The following GTF3C1 variants were observed in gnomAD, a reference collection of about 807,000 sequenced individuals.
The protein encoded by GTF3C1 is general transcription factor IIIC subunit 1.
GTF3C1 carries 57 observed loss-of-function variants against 226.7 expected under a neutral mutation model. That is an observed-to-expected ratio of 0.25 (90% CI 0.20 to 0.31). The LOEUF (loss-of-function observed/expected upper bound fraction) is 0.31, where lower values mean the gene tolerates loss of function less well. Ranked by LOEUF, GTF3C1 falls within the 10% of genes least tolerant of loss-of-function variation. The probability of loss-of-function intolerance (pLI) is 1.00; values close to 1 mark genes in which losing one functional copy is unlikely to be tolerated. For synonymous variants in GTF3C1, 1,090 were observed against 1,084.8 expected (o/e 1.00, Z -0.09); for missense variants, 2,217 against 2,776.1 (o/e 0.80, Z 4.53).
intron 5 of GTF3C1, among the ~76,000 whole-genome samples, chr16:27,530,787 T>G (rs2088903564): frequency 6.6e-6 from 1 of 152,174 alleles, no homozygotes; most frequent in Non-Finnish European, 1.5e-5. Context: ...GTCTTCATCG[T>G]GGGGGCCCGC....
intron 32 of GTF3C1, among the ~76,000 whole-genome samples, chr16:27,468,215 C>A (rs575758481): frequency 1.3e-5 from 2 of 152,208 alleles, no homozygotes; most frequent in African/African-American, 4.8e-5. Flanking sequence ...TGGGGACTTG[C>A]TTCTTATAGA....
At chr16:27,493,912 GA>G (rs2088270654) in intron 16 of GTF3C1, among the ~76,000 whole-genome samples, 1 of 150,688 alleles carries the variant, frequency 6.6e-6, no homozygotes, top group Non-Finnish European at 1.5e-5. Flanking sequence ...ATAAAAGAGT[GA>G]ATATAGTTTC....
intron 2 of GTF3C1, among the ~76,000 whole-genome samples, chr16:27,542,696 T>G (rs569228263): frequency 2.6e-5 from 4 of 152,260 alleles, no homozygotes; most frequent in South Asian, 4.1e-4. Context: ...AAAATGAGTC[T>G]CCTTCTCTTG....
At chr16:27,504,120 G>A (rs527984237) in intron 10 of GTF3C1, among the ~76,000 whole-genome samples, 75 of 152,342 alleles carry the variant, frequency 4.9e-4, no homozygotes, top group African/African-American at 1.6e-3. Context: ...GGACAGCAAA[G>A]GCAACATGCT....
chr16:27,470,395 C>T lies in GTF3C1; in HGVS notation c.4527G>A (p.Arg1509=), dbSNP rs1358303579. Residue 1509 remains arginine, a splice_region_variant and synonymous_variant, in exon 31 of 37, where the codon AGG becomes AGA. Coordinates refer to ENST00000356183, the MANE Select transcript of GTF3C1 (RefSeq NM_001520.4). This position sits in a 1 kb window ranked among gnomAD's most constrained non-coding sequence, Gnocchi z 4.9. ...MSYQLSQTYY[R]IFTWRFPSTI... ...TGCTTGGAAATCGCCACGTAAAAATCCTACAGACAAAAAGAAAGGAAGGGC... is the reference window on the plus strand; with the variant it reads ...TGCTTGGAAATCGCCACGTAAAAATTCTACAGACAAAAAGAAAGGAAGGGC... 6.2e-7 allele frequency: 1 copy of T among 1,611,802 alleles called. No homozygotes were observed. The highest frequency in any genetic ancestry group is 1.1e-5 in the South Asian group (1 of 90,762).
At chr16:27,496,438 A>G (rs1386399654) in intron 14 of GTF3C1, among the ~76,000 whole-genome samples, 1 of 152,152 alleles carries the variant, frequency 6.6e-6, no homozygotes, top group Non-Finnish European at 1.5e-5. Context: ...TTTGAAACAG[A>G]GTCTCGCTCT....
rs540308746 is a variant in GTF3C1, at chr16:27,488,623, C to A, written c.3442G>T (p.Ala1148Ser). Reference protein sequence around the residue: ...INQAKKENTAAENGLTVRLQT... With the variant: ...INQAKKENTASENGLTVRLQT... Reference sequence around the variant, plus strand: ...AGCCTCACTGTGAGTCCATTCTCTGCGGCAGTGTTCTCCTGTGAGACAAGC... The same window carrying A: ...AGCCTCACTGTGAGTCCATTCTCTGAGGCAGTGTTCTCCTGTGAGACAAGC... The change falls in exon 22 of 37, where the codon GCA becomes TCA. Residue 1148 changes from alanine (A) to serine (S), a missense_variant. Transcript: ENST00000356183. 2 of 1,612,454 alleles carry A rather than the reference C, an allele frequency of 1.2e-6. No individual in the cohort carries two copies. The highest frequency in any genetic ancestry group is 1.3e-5 in the African/African-American group (1 of 74,900).
chr16:27,498,801 G>T (rs1382805207), intron 12 of GTF3C1, 68 bp from the exon 13 acceptor site: 13 of 801,662 alleles, frequency 1.6e-5, no homozygotes, highest in Non-Finnish European at 2.9e-5. Flanking sequence ...CTCCACAGTC[G>T]ATTCCTAGTG....
chr16:27,464,162 TC>T, intron 34 of GTF3C1, 157 bp downstream of exon 34: 1 of 471,200 alleles, frequency 2.1e-6, no homozygotes, highest in Non-Finnish European at 3.6e-6. Flanking sequence ...GGCAGTATCC[TC>T]CCCCTCAGGG....
chr16:27,516,313 G>GCAT (rs898879093), intron 6 of GTF3C1, among the ~76,000 whole-genome samples: 4 of 152,210 alleles, frequency 2.6e-5, no homozygotes, highest in Admixed American at 6.5e-5. Flanking sequence ...AGAACAATAG[G>GCAT]CATCATCAGC....
intron 6 of GTF3C1, among the ~76,000 whole-genome samples, chr16:27,520,032 C>T (rs2088721399): frequency 6.6e-6 from 1 of 152,198 alleles, no homozygotes. Flanking sequence ...GAGGATTGCT[C>T]AGCCTGCGAG....
At position 27,469,416 on chromosome 16, in the gene GTF3C1, C is replaced by A; in HGVS notation, c.4949G>T (p.Gly1650Val). The part of the protein sequence containing the change: ...ASHTNYLLMR[G>V]YYSPGIVSTR... ...GCTGACGATGCCGGGGGAGTAGTAG[C>A]CCCTCATCAGCAGGTAGTTGGTGTG... The change falls in exon 32 of 37, where the codon GGC becomes GTC. Residue 1650 changes from glycine to valine, a missense_variant. Gly to Val is a moderately radical substitution (Grantham distance 109). Coordinates refer to ENST00000356183, the MANE Select transcript of GTF3C1 (RefSeq NM_001520.4). The surrounding 1 kb of genome is among the most constrained non-coding windows in gnomAD (Gnocchi z 4.5). 6.2e-7 allele frequency: 1 copy of A among 1,614,040 alleles called. No homozygotes were observed. The highest frequency in any genetic ancestry group is 8.5e-7 in the Non-Finnish European group (1 of 1,179,968).
rs1239470880 is a variant in GTF3C1 at position 27,482,463 on chromosome 16, C to A, written c.4083+581G>T. 7.5e-5 allele frequency: 34 copies of A among 456,008 alleles called. No homozygotes were observed. The Admixed American group carries it at 8.0e-4, about 11-fold the overall frequency. 28.2% of individuals were successfully genotyped at this position (456,008 alleles called of 1,614,324 possible). A position where few individuals can be genotyped will look rare whatever the true frequency, so the allele number is the denominator to read the frequency against. ...TGTGCCTTCCTCTTCCGGGAGCTGA[C>A]TACACTGTCCTGCAATGGCCATGTA... On this transcript the variant is annotated intron_variant, in intron 26 of 36. Coordinates refer to ENST00000356183, the MANE Select transcript of GTF3C1 (RefSeq NM_001520.4).
intron 24 of GTF3C1, among the ~76,000 whole-genome samples, chr16:27,484,932 A>G (rs1015803714): frequency 6.6e-6 from 1 of 152,236 alleles, no homozygotes; most frequent in Non-Finnish European, 1.5e-5. Context: ...GCGAGAGTCC[A>G]TCAACACTGA....
At position 27,465,319 on chromosome 16, in the gene GTF3C1, A is replaced by C; in HGVS notation, c.5296T>G (p.Phe1766Val). The C allele has an allele frequency of 6.2e-7, 1 of 1,614,082 alleles. No individual in the cohort carries two copies. The highest frequency in any genetic ancestry group is 8.5e-7 in the Non-Finnish European group (1 of 1,180,008). ...CCACCTGCCTTCTCCAAGGCCGAGA[A>C]CCGTCTGCGCAGCTCCTCCTTGTCA... ...GIDKEELRRR[F>V]SALEKAGGGR... The change falls in exon 33 of 37, where the codon TTC becomes GTC. Residue 1766 changes from phenylalanine (F) to valine (V), a missense_variant. Around this residue, in one of 12 missense-constraint regions of GTF3C1, gnomAD observed 455 missense variants for 441.9 expected, o/e 1.03. Coordinates refer to ENST00000356183, the MANE Select transcript of GTF3C1 (RefSeq NM_001520.4).
At chr16:27,481,334 C>G in intron 26 of GTF3C1, 143 bp from the exon 27 acceptor site, 1 of 667,286 alleles carries the variant, frequency 1.5e-6, no homozygotes, top group Non-Finnish European at 2.7e-6. Flanking sequence ...CCCTGGTCAC[C>G]TGTCATCTGT....
rs2087715068 is a variant in GTF3C1 at position 27,462,174 on chromosome 16, G to A, written c.6117+120C>T. 3.0e-6 allele frequency: 2 copies of A among 676,062 alleles called. No homozygotes were observed. The highest frequency in any genetic ancestry group is 5.1e-6 in the Non-Finnish European group (2 of 393,888). The allele number at this position is 676,062 out of a possible 1,614,324, so 41.9% of individuals were successfully genotyped here. ...CAGGAGCCCAGGACAAGCTGGGGGA[G>A]GAGGTGCAGGCAAGCAGTATGGTGG... On this transcript the variant is annotated intron_variant, in intron 36 of 36. Coordinates refer to ENST00000356183, the MANE Select transcript of GTF3C1 (RefSeq NM_001520.4). This position sits in a 1 kb window ranked among gnomAD's most constrained non-coding sequence, Gnocchi z 4.5.
chr16:27,532,969 CAAAGATATGA>C (rs947347437), intron 5 of GTF3C1, among the ~76,000 whole-genome samples: 35 of 151,970 alleles, frequency 2.3e-4, no homozygotes, highest in Non-Finnish European at 2.5e-4. Flanking sequence ...CTGTCTCTAA[CAAAGATATGA>C]AAATTAGCAG....
chr16:27,478,337 T>C (rs1444228756), intron 28 of GTF3C1, 132 bp downstream of exon 28: 16 of 689,314 alleles, frequency 2.3e-5, no homozygotes, highest in Non-Finnish European at 4.0e-5. Flanking sequence ...CATGGCTGTA[T>C]GCCAGTAAAA....
Sources: allele counts gnomAD v4.1 joint callset (sites outside exome capture counted in the v4.1 genomes callset), GRCh38; gene constraint gnomAD v4.1.1; regional missense constraint gnomAD v4.1.1; non-coding constraint Gnocchi (gnomAD v3.1); transcripts MANE v1.5; gene names NCBI Gene and HGNC (gene_info 2026-07-23, HGNC 2026-07-21).